Variants in TENM1 observed in about 807,000 individuals in gnomAD.
TENM1 encodes the protein teneurin-1.
Under a neutral mutation model 174.8 loss-of-function variants are expected in TENM1, and 35 were observed. The observed-to-expected ratio is 0.20, with a 90% confidence interval of 0.15 to 0.27. The LOEUF (loss-of-function observed/expected upper bound fraction) is 0.27. TENM1 is among the 10% of genes least tolerant of loss of function. The probability of loss-of-function intolerance (pLI) is 1.00; values close to 1 mark genes in which losing one functional copy is unlikely to be tolerated. For synonymous variants in TENM1, 781 were observed against 798.7 expected, an observed-to-expected ratio of 0.98 and a Z score of 0.37; for missense variants, 1,633 against 2,130.1, an observed-to-expected ratio of 0.77 and a Z score of 4.59.
intron 19 of TENM1, among the ~76,000 whole-genome samples, chrX:124,497,827 T>C (rs1467376577): frequency 1.8e-5 from 2 of 112,060 alleles, no homozygotes; most frequent in Admixed American, 9.5e-5. Context: ...TTTTCCACTC[T>C]TTTGGACCAT....
intron 5 of TENM1, among the ~76,000 whole-genome samples, chrX:124,674,303 C>CAAAAAAA (rs745969451): frequency 6.0e-5 from 1 of 16,624 alleles, no homozygotes; most frequent in Non-Finnish European, 1.2e-4. Context: ...TATCAAAAGG[C>CAAAAAAA]AAAAAAAAAA....
At chrX:124,844,663 G>C (rs998029087) in intron 3 of TENM1, among the ~76,000 whole-genome samples, 1 of 111,773 alleles carries the variant, frequency 8.9e-6, no homozygotes, top group Non-Finnish European at 1.9e-5. Flanking sequence ...GAAATAATAT[G>C]TCACTGATTG....
the TENM1 span, among the ~76,000 whole-genome samples, chrX:125,075,983 G>T: frequency 2.7e-5 from 3 of 111,650 alleles, no homozygotes; most frequent in Non-Finnish European, 5.7e-5. Flanking sequence ...CTACTGAAGA[G>T]TAAGGAGTGC....
intron 3 of TENM1, among the ~76,000 whole-genome samples, chrX:124,786,644 T>C (rs779114558): frequency 8.9e-5 from 10 of 112,204 alleles, no homozygotes; most frequent in Non-Finnish European, 1.9e-4. Context: ...TATATGCAAT[T>C]GTCACAAAGC....
At chrX:124,466,004 C>G (rs1285976690) in intron 22 of TENM1, among the ~76,000 whole-genome samples, 5 of 111,757 alleles carry the variant, frequency 4.5e-5, no homozygotes, top group Non-Finnish European at 9.4e-5. Flanking sequence ...GCTACAGTAG[C>G]TAAAACCAGT....
chrX:124,800,146 T>C (rs1049944342), intron 3 of TENM1, among the ~76,000 whole-genome samples: 2 of 111,996 alleles, frequency 1.8e-5, no homozygotes, highest in Admixed American at 1.9e-4. Flanking sequence ...TCCCTCCTTT[T>C]CAATTACTTG....
the TENM1 span, among the ~76,000 whole-genome samples, chrX:125,086,080 T>C: frequency 9.0e-6 from 1 of 110,806 alleles, no homozygotes; most frequent in Admixed American, 9.7e-5. Context: ...CAAATAGCCA[T>C]TTTTTCCAAG....
chrX:124,776,945 G>C (rs1313900704), intron 3 of TENM1, among the ~76,000 whole-genome samples: 1 of 110,659 alleles, frequency 9.0e-6, no homozygotes, highest in Non-Finnish European at 1.9e-5. Flanking sequence ...TTAATTCCAA[G>C]CAAGCAGAAC....
chrX:124,459,136 G>A lies in TENM1; in HGVS notation c.3950-5645C>T, dbSNP rs189550470. 9.0e-4 allele frequency among the ~76,000 whole-genome samples: 100 copies of A among 111,417 alleles called. 1 individual carries two copies. Among genetic ancestry groups the A allele is most frequent in the Admixed American group, 3.8e-3 (40 of 10,468 alleles). On this transcript the variant is annotated intron_variant, in intron 22 of 31. Transcript: ENST00000422452. ...GAGCATCCTTGGGGGATGGGCCGGG[G>A]AAATGAAAGTCACAAGTGATTTCTC...
intron 1 of TENM1, among the ~76,000 whole-genome samples, chrX:124,935,226 C>A (rs750870717): frequency 9.4e-6 from 1 of 106,715 alleles, no homozygotes. Flanking sequence ...TCTTTCATTT[C>A]GATGATTCTG....
At chrX:124,920,811 C>T (rs776343274) in intron 1 of TENM1, among the ~76,000 whole-genome samples, 2 of 109,935 alleles carry the variant, frequency 1.8e-5, no homozygotes, top group Admixed American at 9.7e-5. Flanking sequence ...ATGGAATGTG[C>T]TATCCATATA....
At chrX:124,518,711 G>A (rs923830473) in intron 18 of TENM1, among the ~76,000 whole-genome samples, 1 of 111,784 alleles carries the variant, frequency 8.9e-6, no homozygotes, top group African/African-American at 3.3e-5. Flanking sequence ...CTTTATAGAT[G>A]GAGAAACTGT....
chrX:124,733,909 C>T (rs751046827), intron 4 of TENM1, among the ~76,000 whole-genome samples: 1 of 111,766 alleles, frequency 8.9e-6, no homozygotes, highest in Admixed American at 9.5e-5. Context: ...TCCCCACTCT[C>T]TCCCAGATTT....
the TENM1 span, among the ~76,000 whole-genome samples, chrX:125,104,891 T>C: frequency 8.9e-6 from 1 of 112,167 alleles, no homozygotes; most frequent in African/African-American, 3.2e-5. Context: ...TCAATTTTTC[T>C]GTCCATGGCA....
At chrX:124,380,304 C>T (rs2060141939) in exon 32 of TENM1, 1 of 326,957 alleles carries the variant, frequency 3.1e-6, no homozygotes, top group Admixed American at 5.6e-5. Context: ...TTGAGTTCTA[C>T]TTGTGTTATT....
At chrX:124,701,150 G>T (rs2052765988) in intron 5 of TENM1, among the ~76,000 whole-genome samples, 1 of 111,117 alleles carries the variant, frequency 9.0e-6, no homozygotes, top group South Asian at 3.8e-4. Flanking sequence ...CTGCACAGTT[G>T]GAATACTACC....
chrX:124,679,435 A>C (rs182239183), intron 5 of TENM1, among the ~76,000 whole-genome samples: 1 of 111,599 alleles, frequency 9.0e-6, no homozygotes, highest in Admixed American at 9.6e-5. Flanking sequence ...CAGGCTTTCA[A>C]CTAACTCCCG....
chrX:125,087,726 C>A, the TENM1 span, among the ~76,000 whole-genome samples: 1 of 110,625 alleles, frequency 9.0e-6, no homozygotes, highest in Non-Finnish European at 1.9e-5. Flanking sequence ...GTGAAAGAGC[C>A]CCCAAAGACC....
chrX:124,516,510 A>G (rs149198845), intron 18 of TENM1, among the ~76,000 whole-genome samples: 2,257 of 112,332 alleles, frequency 0.02, 46 homozygotes, highest in African/African-American at 0.061. Context: ...AATAAGAAAA[A>G]AATTAGCAAC....
Sources: allele counts gnomAD v4.1 joint callset (sites outside exome capture counted in the v4.1 genomes callset), GRCh38; gene constraint gnomAD v4.1.1; transcripts MANE v1.5; gene names NCBI Gene and HGNC (gene_info 2026-07-23, HGNC 2026-07-21).